EPHA3: variants seen among roughly 807,000 people sequenced by gnomAD.
EPHA3 encodes EPH receptor A3, also known as ephrin type-A receptor 3.
In EPHA3, 42 loss-of-function variants were observed where a neutral mutation model predicts 107.1. The ratio of observed to expected loss-of-function variants is 0.39; its 90% CI spans 0.31 to 0.51. The LOEUF is 0.51. Ranked by LOEUF, EPHA3 falls within the 20% of genes least tolerant of loss-of-function variation. The probability of loss-of-function intolerance (pLI) is 0.78; values close to 1 mark genes in which losing one functional copy is unlikely to be tolerated. For synonymous variants in EPHA3, 461 were observed against 424.8 expected (o/e 1.09, Z -1.05); for missense variants, 1,183 against 1,211.2 (o/e 0.98, Z 0.35).
intron 2 of EPHA3, among the ~76,000 whole-genome samples, chr3:89,133,432 A>G (rs1193445145): frequency 6.6e-6 from 1 of 152,222 alleles, no homozygotes; most frequent in African/African-American, 2.4e-5. Flanking sequence ...CATTTTTGTC[A>G]ACGAGAAATA....
intron 16 of EPHA3, among the ~76,000 whole-genome samples, chr3:89,474,476 A>T (rs1710467183): frequency 6.6e-6 from 1 of 152,206 alleles, no homozygotes; most frequent in Non-Finnish European, 1.5e-5. Context: ...TAGGGTTATG[A>T]TACACAAAAC....
intron 7 of EPHA3, among the ~76,000 whole-genome samples, chr3:89,402,247 G>A (rs1370994297): frequency 2.0e-5 from 3 of 152,216 alleles, no homozygotes; most frequent in East Asian, 1.9e-4. Flanking sequence ...TATCTCATTC[G>A]AAAACTGCAG....
chr3:89,133,448 G>C (rs1024400748), intron 2 of EPHA3, among the ~76,000 whole-genome samples: 2 of 152,152 alleles, frequency 1.3e-5, no homozygotes, highest in African/African-American at 4.8e-5. Context: ...AAATAAGTTT[G>C]TTTATTCCTG....
intron 15 of EPHA3, among the ~76,000 whole-genome samples, chr3:89,451,516 A>T (rs1249015281): frequency 6.6e-6 from 1 of 152,140 alleles, no homozygotes; most frequent in Non-Finnish European, 1.5e-5. Context: ...TTATCACATG[A>T]GTTAGTACAT....
chr3:89,293,599 T>C (rs1397533016), intron 3 of EPHA3, among the ~76,000 whole-genome samples: 2 of 152,116 alleles, frequency 1.3e-5, no homozygotes, highest in African/African-American at 4.8e-5. Flanking sequence ...TGGGGACAAT[T>C]TCCCCATGCG....
In EPHA3 at chr3:89,397,567, C is replaced by G. The variant is rs547215729; in HGVS notation, c.1431+1606C>G. On this transcript the variant is annotated intron_variant, in intron 6 of 16. Transcript: ENST00000336596. ...TTTCAAACTCCCTCAACAAATGCAA[C>G]AAGCATCATTGCCTTTTTTTTTTTT... Among the ~76,000 whole-genome samples the G allele has an allele frequency of 4.0e-5, 6 of 150,452 alleles. 1 individual carries two copies. Among genetic ancestry groups the G allele is most frequent in the African/African-American group, 1.2e-4 (5 of 40,980 alleles).
intron 3 of EPHA3, among the ~76,000 whole-genome samples, chr3:89,224,106 A>G (rs1324705620): frequency 6.6e-6 from 1 of 152,202 alleles, no homozygotes; most frequent in Non-Finnish European, 1.5e-5. Context: ...AAAGGTGGAT[A>G]ACTTTCTTGA....
intron 2 of EPHA3, among the ~76,000 whole-genome samples, chr3:89,208,887 A>G (rs2107178703): frequency 6.6e-6 from 1 of 152,286 alleles, no homozygotes; most frequent in South Asian, 2.1e-4. Flanking sequence ...GGCATGACAA[A>G]AGATGTAGTT....
In EPHA3 at chr3:89,310,152, A is replaced by G. The variant is rs148129610; in HGVS notation, c.815-30764A>G. 1.5e-4 allele frequency among the ~76,000 whole-genome samples: 23 copies of G among 152,250 alleles called. No individual in the cohort carries two copies. The East Asian group carries it at 3.7e-3, about 24-fold the overall frequency. On this transcript the variant is annotated intron_variant, in intron 3 of 16. Coordinates refer to ENST00000336596, the MANE Select transcript of EPHA3 (RefSeq NM_005233.6). Reference sequence around the variant, plus strand: ...GAGTTTTTAATGAGCTGGTACCTGTATAGCCCTTTGAGCAGTTCAGGCCAG... The same window carrying G: ...GAGTTTTTAATGAGCTGGTACCTGTGTAGCCCTTTGAGCAGTTCAGGCCAG...
intron 5 of EPHA3, among the ~76,000 whole-genome samples, chr3:89,364,126 A>G (rs1559665631): frequency 6.6e-6 from 1 of 150,820 alleles, no homozygotes; most frequent in African/African-American, 2.4e-5. Flanking sequence ...GTCAGGCCTA[A>G]TAAGACAGTC....
intron 3 of EPHA3, among the ~76,000 whole-genome samples, chr3:89,214,074 A>C (rs1218881141): frequency 6.6e-6 from 1 of 152,020 alleles, no homozygotes; most frequent in East Asian, 1.9e-4. Flanking sequence ...ATGTCTTCTC[A>C]TCAATTTATG....
chr3:89,196,278 T>C (rs1705834923), intron 2 of EPHA3, among the ~76,000 whole-genome samples: 1 of 152,168 alleles, frequency 6.6e-6, no homozygotes, highest in Non-Finnish European at 1.5e-5. Flanking sequence ...TCCCCTCCTC[T>C]CAACATACAC....
intron 3 of EPHA3, among the ~76,000 whole-genome samples, chr3:89,265,550 A>C (rs796141711): frequency 2.2e-4 from 33 of 152,290 alleles, no homozygotes; most frequent in African/African-American, 7.7e-4. Context: ...TTTATTATTT[A>C]AATTAATTTA....
At chr3:89,404,510 G>A (rs1191965094) in intron 7 of EPHA3, among the ~76,000 whole-genome samples, 3 of 152,108 alleles carry the variant, frequency 2.0e-5, no homozygotes, top group African/African-American at 4.8e-5. Flanking sequence ...AAATGGAAAT[G>A]AATAGAAACA....
rs571268034 is a variant in EPHA3 at position 89,474,895 on chromosome 3, T to G, written c.2846+2276T>G. Among the ~76,000 whole-genome samples the G allele has an allele frequency of 2.6e-5, 4 of 152,340 alleles. No individual in the cohort carries two copies. The East Asian group carries it at 7.7e-4, about 29-fold the overall frequency. On this transcript the variant is annotated intron_variant, in intron 16 of 16. Transcript: ENST00000336596. ...ATTTGAACAACCTGTGAATATACAT[T>G]CAAGATGAAAACTGACTTTTCCTGA...
intron 3 of EPHA3, among the ~76,000 whole-genome samples, chr3:89,320,472 C>A (rs1480302844): frequency 1.3e-5 from 2 of 152,008 alleles, no homozygotes; most frequent in Admixed American, 1.3e-4. Flanking sequence ...TTAGGGGAAA[C>A]ATATTCTCCA....
intron 5 of EPHA3, among the ~76,000 whole-genome samples, chr3:89,384,920 G>A (rs1708586325): frequency 6.6e-6 from 1 of 152,122 alleles, no homozygotes; most frequent in Non-Finnish European, 1.5e-5. Flanking sequence ...TGTACTCACA[G>A]CCCTCTAAAG....
At chr3:89,193,083 T>G (rs1489479450) in intron 2 of EPHA3, among the ~76,000 whole-genome samples, 1 of 152,112 alleles carries the variant, frequency 6.6e-6, no homozygotes, top group Admixed American at 6.5e-5. Context: ...AATAGAGGTA[T>G]AATTGCATAA....
chr3:89,295,473 A>T (rs1194649446), intron 3 of EPHA3, among the ~76,000 whole-genome samples: 1 of 152,178 alleles, frequency 6.6e-6, no homozygotes, highest in East Asian at 1.9e-4. Flanking sequence ...ATGCCATTTA[A>T]CAACATTTTC....
Sources: gnomAD v4.1 joint callset for allele counts (sites outside exome capture counted in the v4.1 genomes callset) on GRCh38, gnomAD v4.1.1 for gene constraint, MANE v1.5 for transcripts, NCBI Gene and HGNC (gene_info 2026-07-23, HGNC 2026-07-21) for gene names.